COPB1: variants seen among roughly 807,000 people sequenced by gnomAD.
The protein encoded by COPB1 is coat protein complex I subunit beta 1, also known as coatomer subunit beta.
Under a neutral mutation model 108.7 loss-of-function variants are expected in COPB1, and 21 were observed. The ratio of observed to expected loss-of-function variants is 0.19; its 90% CI spans 0.14 to 0.28. The LOEUF (loss-of-function observed/expected upper bound fraction) is 0.28. Ranked by LOEUF, COPB1 falls within the 10% of genes least tolerant of loss-of-function variation. COPB1 has a pLI of 1.00. For synonymous variants in COPB1, 378 were observed against 386.8 expected (o/e 0.98, Z 0.27); for missense variants, 919 against 1,141.3 (o/e 0.81, Z 2.81).
At chr11:14,461,548 G>A (rs1850151277) in intron 18 of COPB1, among the ~76,000 whole-genome samples, 1 of 152,258 alleles carries the variant, frequency 6.6e-6, no homozygotes, top group African/African-American at 2.4e-5. Flanking sequence ...TCTTACATAT[G>A]AGGAAATGAA....
In COPB1 at chr11:14,462,090, A is replaced by C. The variant is rs568566683; in HGVS notation, c.2411-759T>G. Among the ~76,000 whole-genome samples the C allele has an allele frequency of 5.9e-5, 9 of 151,436 alleles. 1 individual carries two copies. The South Asian group carries it at 1.7e-3, about 28-fold the overall frequency. On this transcript the variant is annotated intron_variant, in intron 18 of 21. Coordinates refer to ENST00000439561, the MANE Select transcript of COPB1 (RefSeq NM_001144061.2). ...TTTTTTTTTTTTCTAAAATATTTTC[A>C]GTTTGTGGCTGGTTGAATCCATGGA...
intron 11 of COPB1, among the ~76,000 whole-genome samples, chr11:14,477,402 A>AAAAAAAAAAAC (rs1850550255): frequency 6.7e-6 from 1 of 149,118 alleles, no homozygotes; most frequent in East Asian, 2.0e-4. Flanking sequence ...AAAAAAAAAA[A>AAAAAAAAAAAC]AAACAAGGGC....
intron 6 of COPB1, among the ~76,000 whole-genome samples, chr11:14,487,188 C>T (rs1387500514): frequency 6.6e-6 from 1 of 152,052 alleles, no homozygotes; most frequent in Non-Finnish European, 1.5e-5. Flanking sequence ...GTAAATATCC[C>T]TTATTTTTTC....
chr11:14,465,928 C>T (rs1276963235), intron 17 of COPB1, among the ~76,000 whole-genome samples: 1 of 152,176 alleles, frequency 6.6e-6, no homozygotes, highest in East Asian at 1.9e-4. Context: ...AACAGTTATG[C>T]ATTCAGAAAA....
intron 14 of COPB1, among the ~76,000 whole-genome samples, chr11:14,470,480 C>G (rs570007192): frequency 1.1e-4 from 16 of 152,312 alleles, no homozygotes; most frequent in African/African-American, 3.6e-4. Context: ...GTCCGTATTA[C>G]TTAGCTCGCT....
In COPB1 at chr11:14,468,664, A is replaced by G. The variant is rs746993634; in HGVS notation, c.2145+17T>C. On this transcript the variant is annotated intron_variant, in intron 16 of 21. Coordinates refer to ENST00000439561, the MANE Select transcript of COPB1 (RefSeq NM_001144061.2). ...AGTCGATTTAAATAATTTAGAGTCT[A>G]TCAGACATTTTGTTACCTTGTTAAG... is the stretch of plus-strand genomic sequence containing the variant. 7.5e-6 allele frequency: 12 copies of G among 1,610,730 alleles called. No homozygotes were observed. Among genetic ancestry groups the G allele is most frequent in the Non-Finnish European group, 1.0e-5 (12 of 1,177,836 alleles).
rs1000923479 is a variant in COPB1 at position 14,499,025 on chromosome 11, A to T, written c.-57-40T>A. On this transcript the variant is annotated intron_variant, in intron 1 of 21. Transcript: ENST00000439561. ...ACAGACATATCATTACAAATTAAAAAAAAAAAACCCACAAACAAGTACCTA... is the reference window on the plus strand; with the variant it reads ...ACAGACATATCATTACAAATTAAAATAAAAAAACCCACAAACAAGTACCTA... 2.9e-6 allele frequency: 3 copies of T among 1,026,024 alleles called. No homozygotes were observed. The African/African-American group carries it at 4.9e-5, about 17-fold the overall frequency. 63.6% of individuals were successfully genotyped at this position (1,026,024 alleles called of 1,614,324 possible).
intron 16 of COPB1, 149 bp downstream of exon 16, chr11:14,468,532 T>G: frequency 1.5e-6 from 1 of 675,978 alleles, no homozygotes. Flanking sequence ...AGTAAGGTAC[T>G]TCATCAGCTT....
chr11:14,494,433 C>G lies in COPB1; in HGVS notation c.98G>C (p.Gly33Ala). ...AGCTTCAGTCTTTGACTTTACATCT[C>G]CTTTTTCTGAATCAAAAATTTTTTT... ...EISLKNDLEK[G>A]DVKSKTEALK... The change falls in exon 3 of 22, where the codon GGA (glycine) becomes GCA (alanine). Residue 33 changes from glycine to alanine, a missense_variant. By Grantham distance (60) the Gly-to-Ala change is moderately conservative (BLOSUM62 0). Transcript: ENST00000439561. The G allele has an allele frequency of 6.6e-7, 1 of 1,518,624 alleles. No individual in the cohort carries two copies. Among genetic ancestry groups the G allele is most frequent in the Non-Finnish European group, 8.9e-7 (1 of 1,122,758 alleles). The allele number at this position is 1,518,624 out of a possible 1,614,324, so 94.1% of individuals were successfully genotyped here.
chr11:14,475,772 T>C lies in COPB1; in HGVS notation c.1616+13A>G, dbSNP rs201955032. The C allele has an allele frequency of 3.9e-6, 6 of 1,544,364 alleles. No homozygotes were observed. Among genetic ancestry groups the C allele is most frequent in the East Asian group, 2.3e-5 (1 of 42,786 alleles). On this transcript the variant is annotated intron_variant, in intron 13 of 21. Transcript: ENST00000439561. ...AGTAGTACAGCTGGCAGGGTATATG[T>C]GCCATAAATTACCTGTCTTCCTCTT...
At chr11:14,484,515 C>A (rs190082633) in intron 7 of COPB1, among the ~76,000 whole-genome samples, 1 of 152,200 alleles carries the variant, frequency 6.6e-6, no homozygotes, top group East Asian at 1.9e-4. Flanking sequence ...GTCAGGAGAT[C>A]GAGACCATTC....
intron 14 of COPB1, among the ~76,000 whole-genome samples, chr11:14,472,377 A>G (rs1850427386): frequency 6.6e-6 from 1 of 152,232 alleles, no homozygotes; most frequent in South Asian, 2.1e-4. Flanking sequence ...GCCATCCCGT[A>G]AAGAGGATGT....
chr11:14,485,242 G>A (rs759749342), intron 7 of COPB1, among the ~76,000 whole-genome samples: 7 of 151,974 alleles, frequency 4.6e-5, no homozygotes, highest in South Asian at 2.1e-4. Context: ...CTGCAACCTC[G>A]AACTCCTGGC....
chr11:14,478,957 C>CAAAAAAA (rs35295507), intron 11 of COPB1: 33 of 68,388 alleles, frequency 4.8e-4, no homozygotes, highest in East Asian at 1.0e-3. Flanking sequence ...AGCCCTCTCA[C>CAAAAAAA]AAAAAAAAAA....
chr11:14,487,415 G>A (rs958884374), intron 6 of COPB1, among the ~76,000 whole-genome samples: 2 of 152,142 alleles, frequency 1.3e-5, no homozygotes, highest in Admixed American at 6.5e-5. Context: ...GGTGGCTCAC[G>A]CCTGTAATCT....
Position 14,486,345 on chromosome 11 carries a change from C to T in COPB1, c.837+22G>A, listed in dbSNP as rs115644730. On this transcript the variant is annotated intron_variant, in intron 7 of 21. Coordinates refer to ENST00000439561, the MANE Select transcript of COPB1 (RefSeq NM_001144061.2). ...ACAGAAAATCTATCATCTAATCTGG[C>T]CCCAAAAGAAATACACAGTACCTTG... The T allele has an allele frequency of 6.3e-4, 1,012 of 1,612,904 alleles. 8 individuals carry two copies. In the African/African-American group the frequency reaches 0.012, roughly 19 times the overall value.
chr11:14,468,357 G>A (rs1040718327), intron 16 of COPB1, among the ~76,000 whole-genome samples: 2 of 152,170 alleles, frequency 1.3e-5, no homozygotes, highest in Non-Finnish European at 2.9e-5. Context: ...TGAGGTCAAG[G>A]TGTGGGAAGA....
chr11:14,460,887 G>A (rs942872266), intron 19 of COPB1, among the ~76,000 whole-genome samples: 3 of 151,976 alleles, frequency 2.0e-5, no homozygotes, highest in Non-Finnish European at 4.4e-5. Context: ...AGCCTTTTTC[G>A]GGCACTAGAT....
rs1185958934 is a variant in COPB1 at position 14,490,555 on chromosome 11, A to C, written c.606+10T>G. The C allele has an allele frequency of 6.6e-7, 1 of 1,521,640 alleles. No homozygotes were observed. The highest frequency in any genetic ancestry group is 9.0e-7 in the Non-Finnish European group (1 of 1,107,012). The allele number at this position is 1,521,640 out of a possible 1,614,324, so 94.3% of individuals were successfully genotyped here. On this transcript the variant is annotated intron_variant, in intron 5 of 21. Coordinates refer to ENST00000439561, the MANE Select transcript of COPB1 (RefSeq NM_001144061.2). ...ACAGTAATAAGAGTATTTTTTAAAA[A>C]GTACCTCACCTGATCTGCATGAATT...
Sources: allele counts gnomAD v4.1 joint callset (sites outside exome capture counted in the v4.1 genomes callset), GRCh38; gene constraint gnomAD v4.1.1; transcripts MANE v1.5; gene names NCBI Gene and HGNC (gene_info 2026-07-23, HGNC 2026-07-21).